Variants in CCDC85A observed in about 807,000 individuals in gnomAD.
CCDC85A encodes the protein coiled-coil domain containing 85A, also known as coiled-coil domain-containing protein 85A.
CCDC85A carries 38 observed loss-of-function variants against 50.2 expected under a neutral mutation model. The observed-to-expected ratio is 0.76, with a 90% CI of 0.58 to 0.99. The LOEUF is 0.99. Among genes scored for constraint, CCDC85A ranks in the 50% least tolerant of loss-of-function variants. The pLI, the probability that CCDC85A is intolerant of heterozygous loss-of-function variation, is 0.00. For missense variants in CCDC85A, 820 were observed against 742.0 expected, an observed-to-expected ratio of 1.11 and a Z score of -1.22; for synonymous variants, 366 against 301.4, an observed-to-expected ratio of 1.21 and a Z score of -2.22.
chr2:56,261,248 T>C (rs775549585), intron 2 of CCDC85A, among the ~76,000 whole-genome samples: 10 of 152,192 alleles, frequency 6.6e-5, no homozygotes, highest in African/African-American at 1.4e-4. Context: ...AGAGAGACTA[T>C]ACCTTATAGA....
At chr2:56,273,880 G>C (rs1167970489) in intron 2 of CCDC85A, among the ~76,000 whole-genome samples, 1 of 151,952 alleles carries the variant, frequency 6.6e-6, no homozygotes, top group African/African-American at 2.4e-5. Flanking sequence ...TTAGGCATAA[G>C]GCATATCTGA....
intron 2 of CCDC85A, among the ~76,000 whole-genome samples, chr2:56,269,096 A>C (rs577271219): frequency 1.3e-5 from 2 of 152,326 alleles, no homozygotes; most frequent in South Asian, 2.1e-4. Flanking sequence ...CTTGGTGCTG[A>C]ATAACGTAGG....
intron 2 of CCDC85A, among the ~76,000 whole-genome samples, chr2:56,221,450 T>C (rs763034712): frequency 2.0e-5 from 3 of 152,044 alleles, no homozygotes; most frequent in Admixed American, 1.3e-4. Flanking sequence ...CTCTCTGTTA[T>C]GTTTGCACAC....
chr2:56,247,615 T>TA (rs1487673337), intron 2 of CCDC85A, among the ~76,000 whole-genome samples: 1 of 152,206 alleles, frequency 6.6e-6, no homozygotes, highest in Non-Finnish European at 1.5e-5. Context: ...AACTATGTCT[T>TA]ATTTTGAAGG....
intron 3 of CCDC85A, among the ~76,000 whole-genome samples, chr2:56,345,784 T>C (rs1010318608): frequency 6.6e-6 from 1 of 152,232 alleles, no homozygotes; most frequent in African/African-American, 2.4e-5. Flanking sequence ...TTACAAATAA[T>C]GTGTCATGAG....
chr2:56,342,343 G>T (rs1191268744), intron 2 of CCDC85A, among the ~76,000 whole-genome samples: 1 of 152,102 alleles, frequency 6.6e-6, no homozygotes, highest in African/African-American at 2.4e-5. Flanking sequence ...ATTTTTAAAA[G>T]TCTTCCTCTG....
At chr2:56,247,030 T>C (rs1219759065) in intron 2 of CCDC85A, among the ~76,000 whole-genome samples, 1 of 152,236 alleles carries the variant, frequency 6.6e-6, no homozygotes, top group Non-Finnish European at 1.5e-5. Flanking sequence ...AGATTTTCAC[T>C]CAATGATATT....
At chr2:56,215,422 C>A (rs537804240) in intron 2 of CCDC85A, among the ~76,000 whole-genome samples, 2 of 151,646 alleles carry the variant, frequency 1.3e-5, no homozygotes, top group Non-Finnish European at 2.9e-5. Context: ...ACTTTAAATA[C>A]GGGATTGAAA....
intron 2 of CCDC85A, among the ~76,000 whole-genome samples, chr2:56,212,225 G>A (rs2103881254): frequency 6.6e-6 from 1 of 152,116 alleles, no homozygotes; most frequent in South Asian, 2.1e-4. Context: ...AGTTTTTGTG[G>A]CATTCCATAG....
intron 2 of CCDC85A, among the ~76,000 whole-genome samples, chr2:56,250,547 TGA>T (rs749246333): frequency 2.0e-5 from 3 of 152,030 alleles, no homozygotes; most frequent in Non-Finnish European, 4.4e-5. Context: ...AGAAGCTCAG[TGA>T]GAGAGAGAGT....
chr2:56,251,771 A>G (rs1000879185), intron 2 of CCDC85A, among the ~76,000 whole-genome samples: 3 of 150,896 alleles, frequency 2.0e-5, no homozygotes, highest in African/African-American at 7.3e-5. Flanking sequence ...TGGTCTTTTT[A>G]GGATAAGGAC....
intron 2 of CCDC85A, among the ~76,000 whole-genome samples, chr2:56,203,339 T>C (rs1487787572): frequency 6.6e-6 from 1 of 152,006 alleles, no homozygotes; most frequent in Non-Finnish European, 1.5e-5. Flanking sequence ...TTTCAAAATC[T>C]GTGGAAGAAC....
rs1166759872 is a variant in CCDC85A, at chr2:56,385,827, CTAAT to C, written c.*1475_*1478del. Reference sequence around the variant, plus strand: ...ATTAATTTACTATAGAATTATCTCTCTAATTATCATAATTGGGTTACAATTTAAG... The same window carrying C: ...ATTAATTTACTATAGAATTATCTCTCTATCATAATTGGGTTACAATTTAAG... On this transcript the variant is annotated 3_prime_UTR_variant, in exon 6 of 6. Transcript: ENST00000407595. The C allele has an allele frequency of 6.6e-5, 10 of 151,642 alleles. No individual in the cohort carries two copies. The highest frequency in any genetic ancestry group is 2.2e-4 in the African/African-American group (9 of 41,376). 9.4% of individuals were successfully genotyped at this position (151,642 alleles called of 1,614,324 possible). A position where few individuals can be genotyped will look rare whatever the true frequency, so the allele number is the denominator to read the frequency against.
chr2:56,268,077 A>G (rs1472376211), intron 2 of CCDC85A, among the ~76,000 whole-genome samples: 1 of 152,216 alleles, frequency 6.6e-6, no homozygotes, highest in African/African-American at 2.4e-5. Context: ...TATCCTTTTT[A>G]ATACTTCTCA....
At chr2:56,185,112 C>G (rs1432362046) in intron 1 of CCDC85A, among the ~76,000 whole-genome samples, 1 of 135,042 alleles carries the variant, frequency 7.4e-6, no homozygotes, top group African/African-American at 2.6e-5. Context: ...ACGGGGCGCT[C>G]CACTGTCTGG....
chr2:56,301,095 AG>A (rs1672182528), intron 2 of CCDC85A, among the ~76,000 whole-genome samples: 1 of 152,210 alleles, frequency 6.6e-6, no homozygotes, highest in Non-Finnish European at 1.5e-5. Flanking sequence ...ATATTTATTT[AG>A]AAAAAAGTCA....
intron 2 of CCDC85A, among the ~76,000 whole-genome samples, chr2:56,221,343 T>G (rs1412742366): frequency 6.6e-6 from 1 of 151,984 alleles, no homozygotes; most frequent in Non-Finnish European, 1.5e-5. Flanking sequence ...CTTAACAGAT[T>G]AACTGAGATT....
At chr2:56,251,598 G>A (rs921519774) in intron 2 of CCDC85A, among the ~76,000 whole-genome samples, 2 of 151,824 alleles carry the variant, frequency 1.3e-5, no homozygotes, top group Admixed American at 1.3e-4. Flanking sequence ...GGGTCTGTTT[G>A]CTCCTTCCTT....
chr2:56,277,036 T>C (rs952772005), intron 2 of CCDC85A, among the ~76,000 whole-genome samples: 1 of 152,204 alleles, frequency 6.6e-6, no homozygotes, highest in African/African-American at 2.4e-5. Flanking sequence ...TAAACTGCTT[T>C]GAGCTGCTGG....
Sources: allele counts gnomAD v4.1 joint callset (sites outside exome capture counted in the v4.1 genomes callset), GRCh38; gene constraint gnomAD v4.1.1; transcripts MANE v1.5; gene names NCBI Gene and HGNC (gene_info 2026-07-23, HGNC 2026-07-21).